IBTK: variants seen among roughly 807,000 people sequenced by gnomAD.
The protein encoded by IBTK is inhibitor of Bruton tyrosine kinase.
A neutral mutation model predicts 154.9 loss-of-function variants in IBTK; 83 were observed. The ratio of observed to expected loss-of-function variants is 0.54; its 90% confidence interval spans 0.45 to 0.64. IBTK has a LOEUF of 0.64. Ranked by LOEUF, IBTK falls within the 30% of genes least tolerant of loss-of-function variation. The probability of loss-of-function intolerance (pLI) is 0.00; values close to 1 mark genes in which losing one functional copy is unlikely to be tolerated. For synonymous variants in IBTK, 515 were observed against 536.1 expected, an observed-to-expected ratio of 0.96 and a Z score of 0.54; for missense variants, 1,332 against 1,584.6, an observed-to-expected ratio of 0.84 and a Z score of 2.71.
chr6:82,221,181 G>A (rs993738266), intron 8 of IBTK, among the ~76,000 whole-genome samples: 9 of 152,032 alleles, frequency 5.9e-5, no homozygotes, highest in Non-Finnish European at 1.3e-4. Flanking sequence ...AAAATCAGCC[G>A]GGCATGGTGA....
Position 82,220,577 on chromosome 6 carries a change from A to G in IBTK, c.1248+13T>C. On this transcript the variant is annotated intron_variant, in intron 9 of 28. Transcript: ENST00000306270. Reference sequence around the variant, plus strand: ...GAGAGTAAGATTACACTTTTACATAAACATGTACTTACCCTTCCAGCTCCA... The same window carrying G: ...GAGAGTAAGATTACACTTTTACATAGACATGTACTTACCCTTCCAGCTCCA... 6.3e-7 allele frequency: 1 copy of G among 1,595,778 alleles called. No individual in the cohort carries two copies. Among genetic ancestry groups the G allele is most frequent in the Non-Finnish European group, 8.5e-7 (1 of 1,174,490 alleles).
intron 8 of IBTK, among the ~76,000 whole-genome samples, chr6:82,223,079 G>C (rs1770157869): frequency 1.3e-5 from 2 of 151,808 alleles, no homozygotes; most frequent in Admixed American, 1.3e-4. Context: ...ATAAATAAAT[G>C]TATAATGTAA....
intron 2 of IBTK, among the ~76,000 whole-genome samples, chr6:82,239,420 C>T (rs1414301745): frequency 1.3e-5 from 2 of 151,712 alleles, no homozygotes; most frequent in Admixed American, 6.6e-5. Context: ...ACTCCAGCCT[C>T]GGCGACAGAG....
chr6:82,231,591 T>C (rs1410597415), intron 4 of IBTK, 127 bp downstream of exon 4: 2 of 613,944 alleles, frequency 3.3e-6, no homozygotes, highest in Non-Finnish European at 5.4e-6. Flanking sequence ...GTTCTATTGA[T>C]TGATTTCCTC....
At position 82,212,708 on chromosome 6, in the gene IBTK, A is replaced by G; in HGVS notation, c.2290T>C (p.Cys764Arg). The change falls in exon 13 of 29, where the codon TGT (cysteine) becomes CGT (arginine). Residue 764 changes from cysteine to arginine, a missense_variant and splice_region_variant. Around this residue, in one of 3 missense-constraint regions of IBTK, gnomAD observed 1,134 missense variants for 1,274.7 expected, o/e 0.89. Transcript: ENST00000306270. ...GNKLKLSQKK[C>R]SFLCDVTMKS... Reference sequence around the variant, plus strand: ...GTTAATCTTCCTTTCCTTACTTACCATTTTTTCTGACTTAGCTTCAGTTTA... The same window carrying G: ...GTTAATCTTCCTTTCCTTACTTACCGTTTTTTCTGACTTAGCTTCAGTTTA... The G allele has an allele frequency of 6.4e-7, 1 of 1,574,566 alleles. No individual in the cohort carries two copies. The highest frequency in any genetic ancestry group is 8.7e-7 in the Non-Finnish European group (1 of 1,144,590).
intron 1 of IBTK, 125 bp from the exon 2 acceptor site, chr6:82,240,968 ACTGG>A (rs2127829838): frequency 5.1e-6 from 2 of 395,350 alleles, no homozygotes; most frequent in South Asian, 2.8e-4. Context: ...GTGTTCCATT[ACTGG>A]AACACTAAGC....
intron 25 of IBTK, among the ~76,000 whole-genome samples, chr6:82,190,858 G>T (rs1424979134): frequency 6.6e-6 from 1 of 151,778 alleles, no homozygotes; most frequent in Non-Finnish European, 1.5e-5. Flanking sequence ...ATCATGACTT[G>T]TATGTCAAAA....
At position 82,231,759 on chromosome 6, in the gene IBTK, A is replaced by T. The variant is rs751378405; in HGVS notation, c.502T>A (p.Leu168Met). ...CCACTCCTGGAGAACAGATCCACCA[A>T]CTCTGGATGATGTTTGCTATTCTGG... ...GSQNSKHHPE[L>M]VDLFSRSGIY... The change falls in exon 4 of 29, where the codon TTG (leucine) becomes ATG (methionine). Residue 168 changes from leucine (L) to methionine (M), a missense_variant. This residue lies in a region of IBTK where 114 missense variants were observed against 213.7 expected (regional missense o/e 0.53). Transcript: ENST00000306270. The T allele has an allele frequency of 6.2e-7, 1 of 1,609,988 alleles. No individual in the cohort carries two copies. Among genetic ancestry groups the T allele is most frequent in the Non-Finnish European group, 8.5e-7 (1 of 1,177,582 alleles).
intron 21 of IBTK, 121 bp from the exon 22 acceptor site, chr6:82,196,567 A>G (rs1768996786): frequency 4.2e-6 from 2 of 481,646 alleles, no homozygotes; most frequent in Non-Finnish European, 6.8e-6. Flanking sequence ...TTCAAATTAT[A>G]TTTATGGTAT....
intron 25 of IBTK, among the ~76,000 whole-genome samples, chr6:82,187,131 G>T (rs1768584893): frequency 6.6e-6 from 1 of 151,976 alleles, no homozygotes; most frequent in Non-Finnish European, 1.5e-5. Flanking sequence ...GGCCAGGCTG[G>T]TCTCAAACTC....
In IBTK at chr6:82,204,963, A is replaced by G. The variant is rs767111227; in HGVS notation, c.2510-5T>C. On this transcript the variant is annotated splice_region_variant and splice_polypyrimidine_tract_variant and intron_variant, in intron 16 of 28. Coordinates refer to ENST00000306270, the MANE Select transcript of IBTK (RefSeq NM_015525.4). ...TAAAATCTACATTTTGAGATTCTAAAAAAAGAAAGAAAACAAGCATCACTT... is the reference window on the plus strand; with the variant it reads ...TAAAATCTACATTTTGAGATTCTAAGAAAAGAAAGAAAACAAGCATCACTT... 9.0e-6 allele frequency: 14 copies of G among 1,555,362 alleles called. No homozygotes were observed. The highest frequency in any genetic ancestry group is 8.3e-5 in the South Asian group (7 of 84,234).
chr6:82,226,604 G>GTTTTTTTTTTTTTTTTTTTTT (rs201331625), intron 5 of IBTK, among the ~76,000 whole-genome samples: 1 of 144,964 alleles, frequency 6.9e-6, no homozygotes. Context: ...CTTCTTTTTT[G>GTTTTTTTTTTTTTTTTTTTTT]TTTTTTTTTT....
At chr6:82,186,100 C>T (rs1768546025) in intron 25 of IBTK, among the ~76,000 whole-genome samples, 1 of 152,146 alleles carries the variant, frequency 6.6e-6, no homozygotes, top group African/African-American at 2.4e-5. Flanking sequence ...TGAACCACAT[C>T]CATACAAGTT....
At chr6:82,220,105 G>A (rs1770041686) in intron 9 of IBTK, among the ~76,000 whole-genome samples, 1 of 152,228 alleles carries the variant, frequency 6.6e-6, no homozygotes, top group East Asian at 1.9e-4. Context: ...TGCTACTCAG[G>A]AGGCTGAGAC....
At chr6:82,229,214 T>A (rs1284862735) in intron 4 of IBTK, among the ~76,000 whole-genome samples, 2 of 152,164 alleles carry the variant, frequency 1.3e-5, no homozygotes, top group Non-Finnish European at 2.9e-5. Flanking sequence ...ATAAAATCCC[T>A]TAGATCCTTA....
At chr6:82,244,132 A>G (rs1477540193) in intron 1 of IBTK, among the ~76,000 whole-genome samples, 1 of 152,230 alleles carries the variant, frequency 6.6e-6, no homozygotes, top group Non-Finnish European at 1.5e-5. Context: ...TGGACTTCAC[A>G]TGGTTACTAT....
chr6:82,194,920 A>G (rs1358660153), intron 22 of IBTK, among the ~76,000 whole-genome samples: 1 of 152,208 alleles, frequency 6.6e-6, no homozygotes, highest in Non-Finnish European at 1.5e-5. Context: ...GTTAACATGT[A>G]ATATATAAAA....
rs568408077 is a variant in IBTK, at chr6:82,219,192, C to T, written c.1249-1055G>A. Among the ~76,000 whole-genome samples, 259 of 152,024 alleles carry T rather than the reference C, an allele frequency of 1.7e-3. 1 individual carries two copies. The highest frequency in any genetic ancestry group is 2.9e-3 in the Non-Finnish European group (196 of 67,990). ...GGTTTGTTACATAGGTAAACGTGTG[C>T]CATGGTGGTTTGCTGCACAGAGCAT... On this transcript the variant is annotated intron_variant, in intron 9 of 28. Transcript: ENST00000306270.
chr6:82,193,402 A>C (rs1367875575), intron 23 of IBTK, among the ~76,000 whole-genome samples: 3 of 147,724 alleles, frequency 2.0e-5, no homozygotes, highest in African/African-American at 7.5e-5. Flanking sequence ...CCACATATTA[A>C]ATATTTACCA....
Sources: allele counts gnomAD v4.1 joint callset (sites outside exome capture counted in the v4.1 genomes callset), GRCh38; gene constraint gnomAD v4.1.1; regional missense constraint gnomAD v4.1.1; transcripts MANE v1.5; gene names NCBI Gene and HGNC (gene_info 2026-07-23, HGNC 2026-07-21).